ULK4: variants seen among roughly 807,000 people sequenced by gnomAD.
The protein encoded by ULK4 is inactive serine/threonine-protein kinase ULK4.
ULK4 carries 133 observed loss-of-function variants against 160.6 expected under a neutral mutation model. The observed-to-expected ratio is 0.83, with a 90% confidence interval of 0.72 to 0.96. The LOEUF (loss-of-function observed/expected upper bound fraction) is 0.96, where lower values mean the gene tolerates loss of function less well. ULK4 is among the 40% of genes least tolerant of loss of function. The pLI is 0.00. For missense variants in ULK4, 1,580 were observed against 1,499.5 expected (o/e 1.05, Z -0.89); for synonymous variants, 534 against 539.8 (o/e 0.99, Z 0.15).
At chr3:41,595,653 G>A (rs909713579) in intron 31 of ULK4, among the ~76,000 whole-genome samples, 3 of 152,134 alleles carry the variant, frequency 2.0e-5, no homozygotes, top group Admixed American at 6.5e-5. Context: ...TGCCACAGAA[G>A]CCAACACAGA....
intron 21 of ULK4, among the ~76,000 whole-genome samples, chr3:41,771,413 C>T (rs1280604569): frequency 2.0e-5 from 3 of 151,870 alleles, no homozygotes; most frequent in Admixed American, 6.6e-5. Flanking sequence ...CAAAAGGAAC[C>T]GTAGAATTAC....
chr3:41,381,373 T>C (rs1397914724), intron 35 of ULK4, among the ~76,000 whole-genome samples: 1 of 152,208 alleles, frequency 6.6e-6, no homozygotes, highest in African/African-American at 2.4e-5. Flanking sequence ...AGTCCAGACC[T>C]CTTTCTGTTG....
At chr3:41,365,874 T>C (rs2081244018) in intron 35 of ULK4, among the ~76,000 whole-genome samples, 1 of 152,098 alleles carries the variant, frequency 6.6e-6, no homozygotes, top group African/African-American at 2.4e-5. Context: ...AAAGTTAAGA[T>C]GACTGATTTT....
At chr3:41,904,638 GCA>G (rs1186877073) in intron 12 of ULK4, among the ~76,000 whole-genome samples, 2 of 151,890 alleles carry the variant, frequency 1.3e-5, no homozygotes, top group Admixed American at 6.6e-5. Context: ...CAAAAAATTA[GCA>G]CAGTGAGATT....
intron 30 of ULK4, among the ~76,000 whole-genome samples, chr3:41,628,927 G>A (rs1177840636): frequency 6.6e-6 from 1 of 152,142 alleles, no homozygotes; most frequent in Non-Finnish European, 1.5e-5. Context: ...TCAGAAGAAG[G>A]ATTTGTGTCT....
intron 31 of ULK4, among the ~76,000 whole-genome samples, chr3:41,589,075 C>T (rs781428676): frequency 9.9e-5 from 15 of 151,414 alleles, no homozygotes; most frequent in Admixed American, 2.6e-4. Context: ...AGAGGATATG[C>T]AATTACCCTA....
intron 18 of ULK4, among the ~76,000 whole-genome samples, chr3:41,826,099 A>G (rs1559584591): frequency 6.6e-6 from 1 of 152,186 alleles, no homozygotes; most frequent in East Asian, 1.9e-4. Flanking sequence ...CTTTACAGAC[A>G]AACAAATTTT....
intron 35 of ULK4, among the ~76,000 whole-genome samples, chr3:41,326,349 T>C (rs1296766949): frequency 6.6e-6 from 1 of 152,208 alleles, no homozygotes; most frequent in East Asian, 1.9e-4. Flanking sequence ...TTGATTGAAA[T>C]GCCTGCCCGC....
chr3:41,734,974 T>A (rs1199711441), intron 22 of ULK4, among the ~76,000 whole-genome samples: 2 of 152,154 alleles, frequency 1.3e-5, no homozygotes, highest in South Asian at 4.1e-4. Context: ...TTGGCTTTAG[T>A]GCTGATGGGA....
At chr3:41,837,143 T>C (rs566232642) in intron 17 of ULK4, among the ~76,000 whole-genome samples, 1 of 152,226 alleles carries the variant, frequency 6.6e-6, no homozygotes, top group African/African-American at 2.4e-5. Flanking sequence ...AATAAGAGTA[T>C]GAAAAAGTTG....
chr3:41,286,813 T>C (rs1575396526), intron 35 of ULK4, among the ~76,000 whole-genome samples: 1 of 152,182 alleles, frequency 6.6e-6, no homozygotes, highest in Non-Finnish European at 1.5e-5. Flanking sequence ...CCCTGCCTCT[T>C]GCTGTCAAAG....
chr3:41,623,195 T>G (rs1371214050), intron 30 of ULK4, among the ~76,000 whole-genome samples: 1 of 152,232 alleles, frequency 6.6e-6, no homozygotes, highest in African/African-American at 2.4e-5. Context: ...TTTAATAGTA[T>G]GATTAAATGC....
chr3:41,769,618 T>C (rs2039286233), intron 21 of ULK4, among the ~76,000 whole-genome samples: 2 of 152,238 alleles, frequency 1.3e-5, no homozygotes, highest in Non-Finnish European at 2.9e-5. Flanking sequence ...TAACCAGCAG[T>C]GATTTCAGAG....
At chr3:41,828,301 C>A (rs532641803) in intron 18 of ULK4, among the ~76,000 whole-genome samples, 2 of 147,996 alleles carry the variant, frequency 1.4e-5, no homozygotes, top group East Asian at 2.0e-4. Flanking sequence ...CTGGCCAGGG[C>A]AATCAGGCAG....
chr3:41,439,397 T>C (rs913465299), intron 34 of ULK4, among the ~76,000 whole-genome samples: 9 of 152,054 alleles, frequency 5.9e-5, no homozygotes, highest in Admixed American at 3.9e-4. Flanking sequence ...TGAACTTGGA[T>C]AGGAAGTTAG....
Position 41,567,328 on chromosome 3 carries a change from C to CA in ULK4, c.3121-1199dup, listed in dbSNP as rs199516548. Among the ~76,000 whole-genome samples the CA allele has an allele frequency of 9.4e-3, 1,413 of 150,106 alleles. 10 individuals are homozygous for CA. Among genetic ancestry groups the CA allele is most frequent in the Non-Finnish European group, 0.015 (992 of 67,728 alleles). On this transcript the variant is annotated intron_variant, in intron 31 of 36. Coordinates refer to ENST00000301831, the MANE Select transcript of ULK4 (RefSeq NM_017886.4). ...TATTAGAAGATAGCAAGTACTCTGGCAAAAAAGAAAAAAGCAGAGCAGGGA... is the reference window on the plus strand; with the variant it reads ...TATTAGAAGATAGCAAGTACTCTGGCAAAAAAAGAAAAAAGCAGAGCAGGGA...
At chr3:41,497,903 T>C (rs138692642) in intron 32 of ULK4, among the ~76,000 whole-genome samples, 1,556 of 151,992 alleles carry the variant, frequency 0.01, 23 homozygotes, top group Middle Eastern at 0.048. Context: ...AAAATAATAA[T>C]ATGTAAAGCA....
intron 35 of ULK4, among the ~76,000 whole-genome samples, chr3:41,373,817 A>C (rs1205287687): frequency 6.6e-6 from 1 of 152,230 alleles, no homozygotes; most frequent in East Asian, 1.9e-4. Context: ...AGAGACATGA[A>C]AAACCCTTCA....
intron 19 of ULK4, among the ~76,000 whole-genome samples, chr3:41,814,290 A>G (rs961534629): frequency 3.9e-5 from 6 of 152,086 alleles, no homozygotes; most frequent in Non-Finnish European, 1.5e-5. Flanking sequence ...AAAATCTATA[A>G]CTTTTCTGTC....
Sources: allele counts gnomAD v4.1 joint callset (sites outside exome capture counted in the v4.1 genomes callset), GRCh38; gene constraint gnomAD v4.1.1; transcripts MANE v1.5; gene names NCBI Gene and HGNC (gene_info 2026-07-23, HGNC 2026-07-21).